APPL1: variants seen among roughly 807,000 people sequenced by gnomAD.
APPL1 encodes adaptor protein, phosphotyrosine interacting with PH domain and leucine zipper 1, also known as DCC-interacting protein 13-alpha.
A neutral mutation model predicts 106.8 loss-of-function variants in APPL1; 42 were observed. That is an observed-to-expected ratio of 0.39 (90% confidence interval 0.31 to 0.51). The LOEUF is 0.51. APPL1 is among the 20% of genes least tolerant of loss of function. The pLI, the probability that APPL1 is intolerant of heterozygous loss-of-function variation, is 0.75. For missense variants in APPL1, 769 were observed against 858.2 expected (o/e 0.90, Z 1.30); for synonymous variants, 263 against 281.8 (o/e 0.93, Z 0.67).
intron 14 of APPL1, 49 bp from the exon 15 acceptor site, chr3:57,257,197 A>C: frequency 6.3e-7 from 1 of 1,575,352 alleles, no homozygotes; most frequent in Non-Finnish European, 8.6e-7. Flanking sequence ...TAAATATTTA[A>C]TATCCAAAAG....
chr3:57,231,710 G>C (rs2060687841), intron 1 of APPL1, among the ~76,000 whole-genome samples: 1 of 151,582 alleles, frequency 6.6e-6, no homozygotes, highest in Non-Finnish European at 1.5e-5. Flanking sequence ...CAGGAGGCTA[G>C]GGCAGGAGGA....
chr3:57,242,777 C>A, intron 6 of APPL1, 79 bp from the exon 7 acceptor site: 1 of 1,049,010 alleles, frequency 9.5e-7, no homozygotes, highest in Non-Finnish European at 1.5e-6. Flanking sequence ...TGGAAAGGTG[C>A]ACATGTGAAG....
chr3:57,238,193 A>C lies in APPL1; in HGVS notation c.285+77A>C, dbSNP rs1324737256. The stretch of plus-strand genomic sequence containing the variant: ...CCAGTTGCTTAGCTTTTATTTTATG[A>C]ATAAAGCTCTATTAAAGAGATGACT... On this transcript the variant is annotated intron_variant, in intron 4 of 21. Transcript: ENST00000288266. 3 of 1,090,452 alleles carry C rather than the reference A, an allele frequency of 2.8e-6. 1 individual carries two copies. The African/African-American group carries it at 4.8e-5, about 18-fold the overall frequency. The allele number at this position is 1,090,452 out of a possible 1,614,324, so 67.5% of individuals were successfully genotyped here.
At chr3:57,249,974 G>C (rs1408828463) in intron 11 of APPL1, among the ~76,000 whole-genome samples, 5 of 152,098 alleles carry the variant, frequency 3.3e-5, no homozygotes, top group African/African-American at 1.2e-4. Context: ...TGTGAATGGG[G>C]GGGGGTTGTA....
At chr3:57,269,017 G>A (rs1352982441) in intron 21 of APPL1, 2 of 153,048 alleles carry the variant, frequency 1.3e-5, no homozygotes, top group African/African-American at 4.8e-5. Flanking sequence ...GAATAGAAAA[G>A]AGGAGACAGC....
chr3:57,258,464 A>G (rs937434066), intron 15 of APPL1, among the ~76,000 whole-genome samples: 3 of 152,194 alleles, frequency 2.0e-5, no homozygotes, highest in Non-Finnish European at 2.9e-5. Context: ...CCAGCCCTCC[A>G]AAACCTACTT....
chr3:57,264,744 CT>C (rs1210686214), intron 19 of APPL1, among the ~76,000 whole-genome samples: 1 of 149,978 alleles, frequency 6.7e-6, no homozygotes, highest in Non-Finnish European at 1.5e-5. Flanking sequence ...AATGAGTTCG[CT>C]GTAGTTGTGT....
intron 4 of APPL1, 88 bp from the exon 5 acceptor site, chr3:57,240,377 C>T: frequency 1.0e-6 from 1 of 1,004,624 alleles, no homozygotes; most frequent in Non-Finnish European, 1.5e-6. Context: ...ATATCAGAAC[C>T]ATTTTTACTA....
At chr3:57,255,312 GC>G in intron 13 of APPL1, among the ~76,000 whole-genome samples, 2 of 152,282 alleles carry the variant, frequency 1.3e-5, no homozygotes, top group Middle Eastern at 3.4e-3. Flanking sequence ...GGCTGGGAGG[GC>G]TAATTTCTTT....
chr3:57,239,523 G>C (rs2060734429), intron 4 of APPL1, among the ~76,000 whole-genome samples: 1 of 151,688 alleles, frequency 6.6e-6, no homozygotes, highest in Admixed American at 6.6e-5. Context: ...TTGTTTATCT[G>C]GTCATCTCTT....
intron 3 of APPL1, 133 bp from the exon 4 acceptor site, chr3:57,237,912 G>A: frequency 1.5e-6 from 1 of 652,010 alleles, no homozygotes; most frequent in African/African-American, 1.8e-5. Context: ...CACAATTTTA[G>A]TTAAATGATA....
chr3:57,244,946 G>A (rs2060765176), intron 7 of APPL1, among the ~76,000 whole-genome samples: 1 of 152,128 alleles, frequency 6.6e-6, no homozygotes, highest in African/African-American at 2.4e-5. Context: ...GTGGTAATAG[G>A]AGGAATAAAA....
intron 5 of APPL1, among the ~76,000 whole-genome samples, chr3:57,241,331 C>G (rs2060745373): frequency 6.6e-6 from 1 of 152,108 alleles, no homozygotes; most frequent in Non-Finnish European, 1.5e-5. Context: ...TAACAATCTG[C>G]AACCTAGTCG....
rs760675410 is a variant in APPL1 at position 57,267,806 on chromosome 3, A to G, written c.1893+14A>G. On this transcript the variant is annotated intron_variant, in intron 20 of 21. Transcript: ENST00000288266. ...CATGCTGAACTGGTAAGAATCCAAG[A>G]TGTGGCTGGGCACAGTGGTTCACAC... 6.2e-7 allele frequency: 1 copy of G among 1,613,084 alleles called. No homozygotes were observed. The highest frequency in any genetic ancestry group is 2.2e-5 in the East Asian group (1 of 44,862).
chr3:57,248,395 G>A, intron 10 of APPL1, 44 bp downstream of exon 10: 1 of 1,559,290 alleles, frequency 6.4e-7, no homozygotes, highest in Middle Eastern at 1.7e-4. Flanking sequence ...TATCATGTAA[G>A]ACAATACCAA....
At chr3:57,259,779 G>GA in intron 16 of APPL1, 66 bp from the exon 17 acceptor site, 1 of 1,300,246 alleles carries the variant, frequency 7.7e-7, no homozygotes, top group Non-Finnish European at 1.0e-6. Context: ...GAAATATGGC[G>GA]AAAAAAATAA....
chr3:57,267,590 G>C, intron 19 of APPL1, 152 bp from the exon 20 acceptor site: 1 of 670,484 alleles, frequency 1.5e-6, no homozygotes, highest in Non-Finnish European at 2.6e-6. Context: ...CAAAGCCTTG[G>C]TTTGGGGGCT....
rs1281823497 is a variant in APPL1 at position 57,257,026 on chromosome 3, C to T, written c.1222C>T (p.His408Tyr). The T allele has an allele frequency of 1.2e-6, 2 of 1,614,166 alleles. No individual in the cohort carries two copies. The highest frequency in any genetic ancestry group is 3.3e-5 in the Admixed American group (2 of 60,016). Residue 408 changes from histidine (H) to tyrosine (Y), a missense_variant, in exon 14 of 22, where the codon CAC (histidine) becomes TAC (tyrosine). His to Tyr is a moderately conservative substitution (Grantham distance 83, BLOSUM62 2). Coordinates refer to ENST00000288266, the MANE Select transcript of APPL1 (RefSeq NM_012096.3). Reference protein sequence around the residue: ...VTPSPSFQQRHESLRPAAGQS... With the variant: ...VTPSPSFQQRYESLRPAAGQS... The stretch of plus-strand genomic sequence containing the variant: ...TCCTTCCCCATCTTTCCAGCAGAGG[C>T]ACGAGAGCCTGCGGCCAGCAGCAGG...
intron 4 of APPL1, chr3:57,238,347 A>G (rs1050706092): frequency 2.3e-6 from 1 of 430,572 alleles, no homozygotes. Flanking sequence ...CCGTGCTAAC[A>G]TTCAGTCTTG....
Sources: gnomAD v4.1 joint callset for allele counts (sites outside exome capture counted in the v4.1 genomes callset) on GRCh38, gnomAD v4.1.1 for gene constraint, MANE v1.5 for transcripts, NCBI Gene and HGNC (gene_info 2026-07-23, HGNC 2026-07-21) for gene names.